GZF1: variants seen among roughly 807,000 people sequenced by gnomAD.
The protein encoded by GZF1 is GDNF-inducible zinc finger protein 1.
A neutral mutation model predicts 49.4 loss-of-function variants in GZF1; 28 were observed. The observed-to-expected ratio is 0.57, with a 90% CI of 0.42 to 0.78. GZF1 has a LOEUF of 0.78. GZF1 is among the 30% of genes least tolerant of loss of function. The pLI is 0.00. For synonymous variants in GZF1, 364 were observed against 356.0 expected (o/e 1.02, Z -0.25); for missense variants, 798 against 916.2 (o/e 0.87, Z 1.67).
In GZF1 at chr20:23,372,890, T is replaced by A. The variant is rs921846423; in HGVS notation, c.*2449T>A. The A allele has an allele frequency of 6.6e-6, 1 of 152,236 alleles. No homozygotes were observed. The highest frequency in any genetic ancestry group is 1.5e-5 in the Non-Finnish European group (1 of 68,042). 9.4% of individuals were successfully genotyped at this position (152,236 alleles called of 1,614,324 possible). A position where few individuals can be genotyped will look rare whatever the true frequency, so the allele number is the denominator to read the frequency against. ...CAGCCTTTCGTTTTACCAAATTCTTTGCTGTCGTTTGGAAAAAATGGGCCA... is the reference window on the plus strand; with the variant it reads ...CAGCCTTTCGTTTTACCAAATTCTTAGCTGTCGTTTGGAAAAAATGGGCCA... On this transcript the variant is annotated 3_prime_UTR_variant, in exon 6 of 6. Transcript: ENST00000338121.
rs1489704061 is a variant in GZF1 at position 23,372,430 on chromosome 20, G to C, written c.*1989G>C. The C allele has an allele frequency of 6.6e-6, 1 of 152,186 alleles. No homozygotes were observed. Among genetic ancestry groups the C allele is most frequent in the African/African-American group, 2.4e-5 (1 of 41,434 alleles). 9.4% of individuals were successfully genotyped at this position (152,186 alleles called of 1,614,324 possible). On this transcript the variant is annotated 3_prime_UTR_variant, in exon 6 of 6. Coordinates refer to ENST00000338121, the MANE Select transcript of GZF1 (RefSeq NM_022482.5). ...AAGCTGTTTAACTGCTTGGATCCCAGTTGGTCTCTGGCAGTGGGATCCTGG... is the reference window on the plus strand; with the variant it reads ...AAGCTGTTTAACTGCTTGGATCCCACTTGGTCTCTGGCAGTGGGATCCTGG...
chr20:23,364,990 G>A lies in GZF1; in HGVS notation c.607G>A (p.Asp203Asn), dbSNP rs1352947503. ...SSDLPPKKSK[D>N]KLDKKKEVVK... ...AGATTTGCCACCGAAGAAGTCCAAGGACAAACTAGACAAGAAGAAAGAGGT... is the reference window on the plus strand; with the variant it reads ...AGATTTGCCACCGAAGAAGTCCAAGAACAAACTAGACAAGAAGAAAGAGGT... Residue 203 changes from aspartate (D) to asparagine (N), a missense_variant, in exon 2 of 6, where the codon GAC becomes AAC. Transcript: ENST00000338121. 1.9e-6 allele frequency: 3 copies of A among 1,614,196 alleles called. No homozygotes were observed. Among genetic ancestry groups the A allele is most frequent in the South Asian group, 2.2e-5 (2 of 91,082 alleles).
At position 23,365,001 on chromosome 20, in the gene GZF1, C is replaced by A; in HGVS notation, c.618C>A (p.Asp206Glu). 6.2e-7 allele frequency: 1 copy of A among 1,614,182 alleles called. No individual in the cohort carries two copies. Among genetic ancestry groups the A allele is most frequent in the South Asian group, 1.1e-5 (1 of 91,086 alleles). ...CGAAGAAGTCCAAGGACAAACTAGA[C>A]AAGAAGAAAGAGGTAGTTAAACCTC... ...LPPKKSKDKLDKKKEVVKPPY... is the reference protein window; with the variant it reads ...LPPKKSKDKLEKKKEVVKPPY... The change falls in exon 2 of 6, where the codon GAC becomes GAA. Residue 206 changes from aspartate to glutamate, a missense_variant. By Grantham distance (45) the Asp-to-Glu change is conservative. Transcript: ENST00000338121.
At chr20:23,367,366 G>T (rs760845189) in intron 3 of GZF1, among the ~76,000 whole-genome samples, 1 of 152,228 alleles carries the variant, frequency 6.6e-6, no homozygotes, top group South Asian at 2.1e-4. Flanking sequence ...TTTTGTAACC[G>T]AAATTTTTTT....
Position 23,364,607 on chromosome 20 carries a change from C to A in GZF1, c.224C>A (p.Thr75Asn). The change falls in exon 2 of 6, where the codon ACT becomes AAT. Residue 75 changes from threonine to asparagine, a missense_variant. Physicochemically the swap from Thr to Asn is moderately conservative, Grantham distance 65. Transcript: ENST00000338121. ...GAGAAGAGTGTGGATGGTACTAGGA[C>A]TAATGTCTACTTAAATGAAGTGCAG... ...LNEKSVDGTR[T>N]NVYLNEVQVA... The A allele has an allele frequency of 6.2e-7, 1 of 1,614,220 alleles. No individual in the cohort carries two copies. Among genetic ancestry groups the A allele is most frequent in the Non-Finnish European group, 8.5e-7 (1 of 1,180,038 alleles).
intron 3 of GZF1, among the ~76,000 whole-genome samples, chr20:23,367,304 G>A (rs1055609183): frequency 6.6e-6 from 1 of 152,118 alleles, no homozygotes; most frequent in Non-Finnish European, 1.5e-5. Context: ...ATACCACCAG[G>A]CCATAGGATC....
intron 3 of GZF1, among the ~76,000 whole-genome samples, chr20:23,368,018 A>C (rs1444672277): frequency 6.6e-6 from 1 of 152,244 alleles, no homozygotes; most frequent in Non-Finnish European, 1.5e-5. Context: ...TTCTGAAGTC[A>C]TAATTCATGT....
chr20:23,364,892 AT>A lies in GZF1; in HGVS notation c.510del (p.Asp170GlufsTer36), dbSNP rs2123036034. ...APAPRASVAT[D>X]GPHPSGLTDS... is the part of the protein sequence containing the mutation. ...GCCCCCAGGGCAAGTGTGGCCACCG[AT>A]GGCCCTCACCCCAGTGGTCTCACGG... On this transcript the variant is annotated frameshift_variant, in exon 2 of 6. Transcript: ENST00000338121. LOFTEE classifies it high-confidence loss of function. 6.2e-7 allele frequency: 1 copy of A among 1,614,246 alleles called. No individual in the cohort carries two copies.
At position 23,365,752 on chromosome 20, in the gene GZF1, G is replaced by T; in HGVS notation, c.1364+5G>T. ...CGCGCTCAAGACGCACATGAGGTAC[G>T]CGGGGAGCCGTCCGGAGGGGTCCCT... On this transcript the variant is annotated splice_donor_5th_base_variant and intron_variant, in intron 2 of 5. Coordinates refer to ENST00000338121, the MANE Select transcript of GZF1 (RefSeq NM_022482.5). 6.6e-7 allele frequency: 1 copy of T among 1,522,966 alleles called. No homozygotes were observed. Among genetic ancestry groups the T allele is most frequent in the Non-Finnish European group, 8.8e-7 (1 of 1,140,406 alleles). The allele number at this position is 1,522,966 out of a possible 1,614,324, so 94.3% of individuals were successfully genotyped here.
At chr20:23,363,752 G>A (rs1320501216) in intron 1 of GZF1, among the ~76,000 whole-genome samples, 1 of 152,222 alleles carries the variant, frequency 6.6e-6, no homozygotes, top group Non-Finnish European at 1.5e-5. Context: ...AAGTAGCACA[G>A]CTTGTAAAAG....
chr20:23,363,882 G>T (rs1980982182), intron 1 of GZF1, among the ~76,000 whole-genome samples: 1 of 152,250 alleles, frequency 6.6e-6, no homozygotes, highest in East Asian at 1.9e-4. Flanking sequence ...CTCATGGAAA[G>T]TAGTTATTTA....
Position 23,364,415 on chromosome 20 carries a change from A to T in GZF1, c.32A>T (p.Lys11Ile). 1 of 1,602,794 alleles carries T rather than the reference A, an allele frequency of 6.2e-7. No homozygotes were observed. Among genetic ancestry groups the T allele is most frequent in the Non-Finnish European group, 8.5e-7 (1 of 1,173,480 alleles). ...AGCGGTGCAGTTCTGCTGGAATCCA[A>T]ATCCTCCCCATTTAACCTACTGCAT... Reference protein sequence around the residue: MESGAVLLESKSSPFNLLHEM... With the variant: MESGAVLLESISSPFNLLHEM... Residue 11 changes from lysine (K) to isoleucine (I), a missense_variant, in exon 2 of 6, where the codon AAA becomes ATA. Physicochemically the swap from Lys to Ile is moderately radical, Grantham distance 102. This residue lies in a region of GZF1 where 105 missense variants were observed against 147.5 expected (regional missense o/e 0.71). Coordinates refer to ENST00000338121, the MANE Select transcript of GZF1 (RefSeq NM_022482.5).
Position 23,362,234 on chromosome 20 carries a change from G to A in GZF1, c.-25G>A, listed in dbSNP as rs557620884. 1.2e-4 allele frequency: 18 copies of A among 152,192 alleles called. No individual in the cohort carries two copies. Among genetic ancestry groups the A allele is most frequent in the Admixed American group, 1.1e-3 (17 of 15,258 alleles). 9.4% of individuals were successfully genotyped at this position (152,192 alleles called of 1,614,324 possible). On this transcript the variant is annotated 5_prime_UTR_variant, in exon 1 of 6. Coordinates refer to ENST00000338121, the MANE Select transcript of GZF1 (RefSeq NM_022482.5). ...GCGGCTGCAGCGGGGGCGCCGGCTG[G>A]GAGGTGAGTGCGCGGCCCGTAGGCC...
rs1419008 is a variant in GZF1, at chr20:23,371,252, C to T, written c.*811C>T. On this transcript the variant is annotated 3_prime_UTR_variant, in exon 6 of 6. Transcript: ENST00000338121. ...TTTGCAGAGGCATGAAAAATTAAGA[C>T]GCTTTAGAGTACTTGAAAGTTGTGT... The T allele has an allele frequency of 0.23, 35,797 of 152,520 alleles. 5,349 individuals are homozygous for T. The highest frequency in any genetic ancestry group is 0.63 in the East Asian group (3,251 of 5,172). The allele number at this position is 152,520 out of a possible 1,614,324, so 9.4% of individuals were successfully genotyped here.
At chr20:23,369,057 A>T in intron 4 of GZF1, 128 bp downstream of exon 4, 1 of 714,298 alleles carries the variant, frequency 1.4e-6, no homozygotes, top group South Asian at 2.2e-5. Context: ...TTTGTATGTC[A>T]TAATAGCATT....
At position 23,371,853 on chromosome 20, in the gene GZF1, T is replaced by C. The variant is rs1056405404; in HGVS notation, c.*1412T>C. ...TACTTTAAGTTCCAGAATGAACATG[T>C]AGCTGCACTATGCCAGAAATTAATG... On this transcript the variant is annotated 3_prime_UTR_variant, in exon 6 of 6. Transcript: ENST00000338121. The C allele has an allele frequency of 3.3e-5, 5 of 152,278 alleles. No homozygotes were observed. The highest frequency in any genetic ancestry group is 1.2e-4 in the African/African-American group (5 of 41,462). The allele number at this position is 152,278 out of a possible 1,614,324, so 9.4% of individuals were successfully genotyped here. A position where few individuals can be genotyped will look rare whatever the true frequency, so the allele number is the denominator to read the frequency against.
intron 5 of GZF1, 64 bp downstream of exon 5, chr20:23,369,805 T>C: frequency 1.3e-6 from 2 of 1,514,350 alleles, no homozygotes; most frequent in South Asian, 1.2e-5. Context: ...GAAAGAGAAA[T>C]ACCTACCACC....
In GZF1 at chr20:23,371,358, CTTGA is replaced by C. The variant is rs1982059941; in HGVS notation, c.*920_*923del. ...TATTACTTTTGCCAGGTTTTTCTGA[CTTGA>C]TTTCTGTAATTTCCAGAAACCCAGA... is the stretch of plus-strand genomic sequence containing the variant. On this transcript the variant is annotated 3_prime_UTR_variant, in exon 6 of 6. Coordinates refer to ENST00000338121, the MANE Select transcript of GZF1 (RefSeq NM_022482.5). The C allele has an allele frequency of 6.6e-6, 1 of 152,586 alleles. No individual in the cohort carries two copies. Among genetic ancestry groups the C allele is most frequent in the Admixed American group, 6.5e-5 (1 of 15,270 alleles). 9.5% of individuals were successfully genotyped at this position (152,586 alleles called of 1,614,324 possible). A position where few individuals can be genotyped will look rare whatever the true frequency, so the allele number is the denominator to read the frequency against.
upstream of GZF1, among the ~76,000 whole-genome samples, chr20:23,361,500 C>A (rs1341731571): frequency 6.6e-6 from 1 of 152,232 alleles, no homozygotes; most frequent in Non-Finnish European, 1.5e-5. Flanking sequence ...TAAAGCCCTG[C>A]AGTAAAGACG....
Sources: gnomAD v4.1 joint callset for allele counts (sites outside exome capture counted in the v4.1 genomes callset) on GRCh38, gnomAD v4.1.1 for gene constraint, gnomAD v4.1.1 regional missense constraint, MANE v1.5 for transcripts, NCBI Gene and HGNC (gene_info 2026-07-23, HGNC 2026-07-21) for gene names.